The following CLOCK variants were observed in gnomAD, a reference collection of about 807,000 sequenced individuals.
CLOCK encodes the protein circadian locomoter output cycles protein kaput.
A neutral mutation model predicts 118.4 loss-of-function variants in CLOCK; 43 were observed. That is an observed-to-expected ratio of 0.36 (90% CI 0.28 to 0.47). The LOEUF (loss-of-function observed/expected upper bound fraction) is 0.47, where lower values mean the gene tolerates loss of function less well. Ranked by LOEUF, CLOCK falls within the 20% of genes least tolerant of loss-of-function variation. The pLI is 1.00. For synonymous variants in CLOCK, 326 were observed against 339.2 expected, an observed-to-expected ratio of 0.96 and a Z score of 0.43; for missense variants, 846 against 999.9, an observed-to-expected ratio of 0.85 and a Z score of 2.08.
At chr4:55,541,766 T>G (rs1387736763) in intron 1 of CLOCK, among the ~76,000 whole-genome samples, 1 of 152,148 alleles carries the variant, frequency 6.6e-6, no homozygotes, top group Non-Finnish European at 1.5e-5. Context: ...AAACATCAAA[T>G]GGTTCTTTCC....
chr4:55,463,567 TA>T, intron 9 of CLOCK, 117 bp downstream of exon 9: 1 of 875,120 alleles, frequency 1.1e-6, no homozygotes, highest in Non-Finnish European at 1.8e-6. Context: ...AAAAAGGACC[TA>T]ATAGGGCATA....
At chr4:55,492,585 C>T (rs11725592) in intron 2 of CLOCK, among the ~76,000 whole-genome samples, 5,127 of 152,196 alleles carry the variant, frequency 0.034, 104 homozygotes, top group Non-Finnish European at 0.054. Flanking sequence ...TGGCTCATGC[C>T]TGTAATCCTA....
chr4:55,505,654 AC>A (rs1375326496), intron 2 of CLOCK, among the ~76,000 whole-genome samples: 1 of 151,924 alleles, frequency 6.6e-6, no homozygotes, highest in African/African-American at 2.4e-5. Context: ...ACAGAACAAG[AC>A]CTTGTCTCAA....
At chr4:55,461,244 G>A (rs989665033) in intron 9 of CLOCK, among the ~76,000 whole-genome samples, 1 of 152,048 alleles carries the variant, frequency 6.6e-6, no homozygotes, top group Non-Finnish European at 1.5e-5. Context: ...TACTTTTATT[G>A]CTAGGATTAT....
Position 55,444,783 on chromosome 4 carries a change from A to T in CLOCK, c.1542T>A (p.Phe514Leu). The T allele has an allele frequency of 6.2e-7, 1 of 1,613,996 alleles. No individual in the cohort carries two copies. The highest frequency in any genetic ancestry group is 8.5e-7 in the Non-Finnish European group (1 of 1,179,962). Reference protein sequence around the residue: ...NLPIPQGMSQFQFSAQLGAMQ... With the variant: ...NLPIPQGMSQLQFSAQLGAMQ... ...TGGCTCCTAATTGAGCTGAAAACTG[A>T]AACTGAAGTACCATGTACGGAAAAA... Residue 514 changes from phenylalanine (F) to leucine (L), a missense_variant and splice_region_variant, in exon 19 of 23, where the codon TTT becomes TTA. Physicochemically the swap from Phe to Leu is conservative, Grantham distance 22. Coordinates refer to ENST00000513440, the MANE Select transcript of CLOCK (RefSeq NM_004898.4).
intron 6 of CLOCK, 127 bp from the exon 7 acceptor site, chr4:55,476,181 T>C: frequency 1.5e-6 from 1 of 687,876 alleles, no homozygotes. Context: ...ATTTATTGGG[T>C]AGATATCAAG....
chr4:55,515,110 C>G (rs1706627028), intron 1 of CLOCK, among the ~76,000 whole-genome samples: 1 of 152,110 alleles, frequency 6.6e-6, no homozygotes. Context: ...TGACTTTTGG[C>G]AGATTGCGTC....
chr4:55,543,088 A>T (rs547594001), intron 1 of CLOCK, among the ~76,000 whole-genome samples: 37 of 152,120 alleles, frequency 2.4e-4, no homozygotes, highest in South Asian at 1.0e-3. Context: ...AATTTTTTTT[A>T]AAAAAATTTT....
At chr4:55,477,834 G>C (rs1726627119) in intron 6 of CLOCK, among the ~76,000 whole-genome samples, 1 of 151,932 alleles carries the variant, frequency 6.6e-6, no homozygotes, top group South Asian at 2.1e-4. Flanking sequence ...GTTAGTTTCA[G>C]TTAGAAAAGG....
intron 1 of CLOCK, among the ~76,000 whole-genome samples, chr4:55,524,915 T>C (rs750309109): frequency 2.7e-5 from 4 of 145,880 alleles, no homozygotes; most frequent in Non-Finnish European, 4.6e-5. Context: ...ATGTAATACT[T>C]TGGGAAATGC....
At chr4:55,444,826 ATTAC>A (rs772854105) in intron 18 of CLOCK, 41 bp from the exon 19 acceptor site, 10 of 1,590,926 alleles carry the variant, frequency 6.3e-6, no homozygotes, top group East Asian at 4.5e-5. Context: ...ATATTTTAGA[ATTAC>A]TTACTCCTTA....
intron 1 of CLOCK, among the ~76,000 whole-genome samples, chr4:55,541,443 T>C (rs1042607097): frequency 1.2e-4 from 18 of 152,174 alleles, no homozygotes; most frequent in Non-Finnish European, 2.9e-5. Flanking sequence ...TAAAAAACTA[T>C]AAGGAAACAG....
chr4:55,521,993 G>A (rs114014396), intron 1 of CLOCK, among the ~76,000 whole-genome samples: 3,392 of 152,236 alleles, frequency 0.022, 113 homozygotes, highest in African/African-American at 0.077. Context: ...AGAGTCATAT[G>A]TATATTAAAA....
intron 20 of CLOCK, among the ~76,000 whole-genome samples, chr4:55,443,170 A>G (rs17085718): frequency 0.027 from 4,113 of 152,222 alleles, 194 homozygotes; most frequent in African/African-American, 0.094. Flanking sequence ...ATCTTTAAAC[A>G]GATTGTGACA....
intron 2 of CLOCK, among the ~76,000 whole-genome samples, chr4:55,500,846 TTGTC>T (rs1323814412): frequency 6.6e-6 from 1 of 152,128 alleles, no homozygotes; most frequent in East Asian, 1.9e-4. Context: ...TTCTGTTTGT[TTGTC>T]TGTTTTTGCG....
intron 8 of CLOCK, among the ~76,000 whole-genome samples, chr4:55,466,434 A>G (rs1382806819): frequency 6.6e-6 from 1 of 152,184 alleles, no homozygotes; most frequent in Non-Finnish European, 1.5e-5. Flanking sequence ...ACAGACTAAT[A>G]CATCATCTTA....
chr4:55,542,225 C>G (rs1290587944), intron 1 of CLOCK, among the ~76,000 whole-genome samples: 1 of 151,280 alleles, frequency 6.6e-6, no homozygotes, highest in Non-Finnish European at 1.5e-5. Flanking sequence ...ACCTGTAATC[C>G]CAGCTACTCT....
chr4:55,472,152 G>C (rs1477796881), intron 7 of CLOCK, among the ~76,000 whole-genome samples: 1 of 152,118 alleles, frequency 6.6e-6, no homozygotes, highest in Non-Finnish European at 1.5e-5. Context: ...ATCAATGGAA[G>C]AAAGAATGAC....
At chr4:55,542,933 C>A in intron 1 of CLOCK, among the ~76,000 whole-genome samples, 1 of 152,094 alleles carries the variant, frequency 6.6e-6, no homozygotes, top group Non-Finnish European at 1.5e-5. Flanking sequence ...CTATAAAATT[C>A]ATGGAATCCA....
Sources: allele counts gnomAD v4.1 joint callset (sites outside exome capture counted in the v4.1 genomes callset), GRCh38; gene constraint gnomAD v4.1.1; transcripts MANE v1.5; gene names NCBI Gene and HGNC (gene_info 2026-07-23, HGNC 2026-07-21).